CUX2: variants seen among roughly 807,000 people sequenced by gnomAD.
CUX2 encodes the protein cut like homeobox 2, also known as homeobox protein cut-like 2.
In CUX2, 40 loss-of-function variants were observed where a neutral mutation model predicts 144.8. The observed-to-expected ratio is 0.28, with a 90% confidence interval of 0.21 to 0.36. The LOEUF (loss-of-function observed/expected upper bound fraction) is 0.36. Ranked by LOEUF, CUX2 falls within the 10% of genes least tolerant of loss-of-function variation. The pLI is 1.00. For missense variants in CUX2, 1,615 were observed against 1,994.0 expected, an observed-to-expected ratio of 0.81 and a Z score of 3.62; for synonymous variants, 827 against 875.6, an observed-to-expected ratio of 0.94 and a Z score of 0.98.
intron 9 of CUX2, among the ~76,000 whole-genome samples, chr12:111,299,721 G>A (rs1009637923): frequency 9.9e-5 from 15 of 152,156 alleles, no homozygotes; most frequent in Non-Finnish European, 8.8e-5. Flanking sequence ...AATAGGTAAT[G>A]CATTCATGTA....
intron 1 of CUX2, among the ~76,000 whole-genome samples, chr12:111,051,356 T>C (rs539379705): frequency 6.6e-6 from 1 of 152,298 alleles, no homozygotes; most frequent in Non-Finnish European, 1.5e-5. Flanking sequence ...GTTGTTAAAT[T>C]GTCTATTTCT....
At chr12:111,327,327 C>T (rs938885319) in intron 18 of CUX2, among the ~76,000 whole-genome samples, 3 of 152,158 alleles carry the variant, frequency 2.0e-5, no homozygotes, top group African/African-American at 7.2e-5. Context: ...AATAATGCGC[C>T]TATGAAAATT....
At chr12:111,192,865 G>A (rs759307343) in intron 1 of CUX2, among the ~76,000 whole-genome samples, 25 of 152,334 alleles carry the variant, frequency 1.6e-4, no homozygotes, top group Middle Eastern at 6.8e-3. Flanking sequence ...TGACATCATC[G>A]TTCCTATGGC....
intron 1 of CUX2, among the ~76,000 whole-genome samples, chr12:111,135,947 C>T (rs143188563): frequency 1.0e-3 from 156 of 152,236 alleles, no homozygotes; most frequent in African/African-American, 3.6e-3. Flanking sequence ...GAACTGTGTG[C>T]ATTCAGATAT....
chr12:111,253,804 G>A (rs1459075592), intron 3 of CUX2, among the ~76,000 whole-genome samples: 1 of 148,246 alleles, frequency 6.7e-6, no homozygotes, highest in African/African-American at 2.5e-5. Context: ...ATAAAATACT[G>A]TTTTTTTAGA....
Position 111,273,275 on chromosome 12 carries a change from G to A in CUX2, c.301+9436G>A, listed in dbSNP as rs180909232. ...TTTCTGTGTGTCAGGCAGTGTGTTC[G>A]GCCCTTACAGATACAAATTCACTGA... On this transcript the variant is annotated intron_variant, in intron 4 of 21. Transcript: ENST00000261726. 9.4e-4 allele frequency among the ~76,000 whole-genome samples: 143 copies of A among 152,164 alleles called. 2 individuals are homozygous for A. Among genetic ancestry groups the A allele is most frequent in the African/African-American group, 3.0e-3 (124 of 41,510 alleles).
intron 1 of CUX2, among the ~76,000 whole-genome samples, chr12:111,115,977 G>T (rs1874276883): frequency 6.6e-6 from 1 of 152,118 alleles, no homozygotes; most frequent in Non-Finnish European, 1.5e-5. Context: ...ACTGGCTGTT[G>T]TCATTCACAG....
At chr12:111,055,906 G>A (rs144904990) in intron 1 of CUX2, among the ~76,000 whole-genome samples, 42 of 152,342 alleles carry the variant, frequency 2.8e-4, no homozygotes, top group Non-Finnish European at 5.1e-4. Flanking sequence ...CGGGCTGATC[G>A]CAGCCTAGCT....
intron 3 of CUX2, among the ~76,000 whole-genome samples, chr12:111,223,149 C>G (rs1248491327): frequency 6.6e-6 from 1 of 152,142 alleles, no homozygotes; most frequent in African/African-American, 2.4e-5. Flanking sequence ...GTCCCAGGCT[C>G]TGTGTGAGGA....
chr12:111,237,766 G>A (rs755148374), intron 3 of CUX2, among the ~76,000 whole-genome samples: 40 of 151,974 alleles, frequency 2.6e-4, no homozygotes, highest in Admixed American at 1.8e-3. Flanking sequence ...CTTCTCACCC[G>A]TCATTGCACT....
intron 1 of CUX2, among the ~76,000 whole-genome samples, chr12:111,209,413 A>G (rs1881088882): frequency 6.6e-6 from 1 of 152,208 alleles, no homozygotes; most frequent in Non-Finnish European, 1.5e-5. Context: ...TTTGTAATTC[A>G]CTAAGCTTAA....
At chr12:111,184,699 G>GTGAGCTAT (rs1297541932) in intron 1 of CUX2, among the ~76,000 whole-genome samples, 2 of 151,816 alleles carry the variant, frequency 1.3e-5, no homozygotes, top group South Asian at 2.1e-4. Flanking sequence ...TAAGACTGTG[G>GTGAGCTAT]TGAGCTATGA....
chr12:111,317,248 C>A (rs1887243330), intron 16 of CUX2, among the ~76,000 whole-genome samples: 1 of 152,182 alleles, frequency 6.6e-6, no homozygotes. Flanking sequence ...GTCGGGAACG[C>A]TTCTCTGAGG....
chr12:111,172,355 C>T (rs1053499765), intron 1 of CUX2, among the ~76,000 whole-genome samples: 7 of 152,204 alleles, frequency 4.6e-5, no homozygotes, highest in African/African-American at 1.7e-4. Flanking sequence ...CACCCATTAG[C>T]GAGGCAGAAC....
intron 1 of CUX2, among the ~76,000 whole-genome samples, chr12:111,064,089 G>A (rs1179352807): frequency 6.6e-6 from 1 of 152,206 alleles, no homozygotes; most frequent in Non-Finnish European, 1.5e-5. Context: ...CAAAATCAAG[G>A]TAGAAGGAGC....
chr12:111,304,534 A>G lies in CUX2; in HGVS notation c.858+220A>G. ...GATAAAAATACAGCTACAGTTCTTT[A>G]CTTTTCAAGCCCACGTTTCCATATA... On this transcript the variant is annotated intron_variant, in intron 10 of 21. Transcript: ENST00000261726. The surrounding 1 kb of genome is among the most constrained non-coding windows in gnomAD (Gnocchi z 4.7). Among the ~76,000 whole-genome samples the G allele has an allele frequency of 6.6e-6, 1 of 152,124 alleles. No individual in the cohort carries two copies. The highest frequency in any genetic ancestry group is 1.9e-4 in the East Asian group (1 of 5,196).
chr12:111,206,043 C>T (rs933289534), intron 1 of CUX2, among the ~76,000 whole-genome samples: 2 of 152,124 alleles, frequency 1.3e-5, no homozygotes, highest in African/African-American at 2.4e-5. Flanking sequence ...AGACAAGAAC[C>T]GGAAGACCAG....
chr12:111,266,544 G>A (rs907061859), intron 4 of CUX2, among the ~76,000 whole-genome samples: 4 of 151,910 alleles, frequency 2.6e-5, no homozygotes, highest in Admixed American at 2.0e-4. Context: ...ACAGAGGCAC[G>A]GTGGAAATGA....
rs1197885787 is a variant in CUX2 at position 111,319,953 on chromosome 12, T to A, written c.2003-59T>A. The A allele has an allele frequency of 2.1e-6, 3 of 1,412,666 alleles. No homozygotes were observed. In the African/African-American group the frequency reaches 4.5e-5, roughly 21 times the overall value. 87.5% of individuals were successfully genotyped at this position (1,412,666 alleles called of 1,614,324 possible). ...ATCAACAGGGATGCTGTGAACATCGTCCCCTGCATGCCGAGCCCTGACCCT... is the reference window on the plus strand; with the variant it reads ...ATCAACAGGGATGCTGTGAACATCGACCCCTGCATGCCGAGCCCTGACCCT... On this transcript the variant is annotated intron_variant, in intron 16 of 21. Coordinates refer to ENST00000261726, the MANE Select transcript of CUX2 (RefSeq NM_015267.4).
Sources: allele counts gnomAD v4.1 joint callset (sites outside exome capture counted in the v4.1 genomes callset), GRCh38; gene constraint gnomAD v4.1.1; non-coding constraint Gnocchi (gnomAD v3.1); transcripts MANE v1.5; gene names NCBI Gene and HGNC (gene_info 2026-07-23, HGNC 2026-07-21).